The following FTCDNL1 variants were observed in gnomAD, a reference collection of about 807,000 sequenced individuals.
The protein encoded by FTCDNL1 is formiminotransferase N-terminal subdomain-containing protein.
Under a neutral mutation model 5.9 loss-of-function variants are expected in FTCDNL1, and 11 were observed. The ratio of observed to expected loss-of-function variants is 1.87; its 90% CI spans 1.18 to 3.10. The LOEUF (loss-of-function observed/expected upper bound fraction) is 3.10. Among genes scored for constraint, FTCDNL1 ranks in the 30% most tolerant of loss-of-function variants. FTCDNL1 has a pLI of 0.00. For missense variants in FTCDNL1, 115 were observed against 65.5 expected, an observed-to-expected ratio of 1.76 and a Z score of -2.61; for synonymous variants, 58 against 24.8, an observed-to-expected ratio of 2.34 and a Z score of -3.99.
At chr2:199,735,005 T>C in the FTCDNL1 span, among the ~76,000 whole-genome samples, 1 of 151,560 alleles carries the variant, frequency 6.6e-6, no homozygotes, top group African/African-American at 2.4e-5. Flanking sequence ...TGGTCATTTA[T>C]TCTTCCAGGT....
chr2:199,746,866 A>G, the FTCDNL1 span, among the ~76,000 whole-genome samples: 2 of 152,156 alleles, frequency 1.3e-5, no homozygotes, highest in Non-Finnish European at 2.9e-5. Flanking sequence ...GTGTTCTGCC[A>G]AACGATGATC....
At chr2:199,803,823 G>C (rs1700589482) in intron 3 of FTCDNL1, among the ~76,000 whole-genome samples, 1 of 152,184 alleles carries the variant, frequency 6.6e-6, no homozygotes, top group African/African-American at 2.4e-5. Flanking sequence ...GGATATGGTA[G>C]GAGGAGGTTC....
At chr2:199,753,477 T>A in the FTCDNL1 span, among the ~76,000 whole-genome samples, 1 of 152,234 alleles carries the variant, frequency 6.6e-6, no homozygotes, top group Non-Finnish European at 1.5e-5. Context: ...CGAAGAACTT[T>A]AAGCAGAGAA....
At position 199,838,610 on chromosome 2, in the gene FTCDNL1, T is replaced by C. The variant is rs550686060; in HGVS notation, c.211+7465A>G. Among the ~76,000 whole-genome samples, 17 of 152,168 alleles carry C rather than the reference T, an allele frequency of 1.1e-4. No individual in the cohort carries two copies. The South Asian group carries it at 3.1e-3, about 28-fold the overall frequency. Reference sequence around the variant, plus strand: ...CCTGATGCATCCCACAGACGCCTGATAGAGGGCAGAACCAGCAGCCCCACT... The same window carrying C: ...CCTGATGCATCCCACAGACGCCTGACAGAGGGCAGAACCAGCAGCCCCACT... On this transcript the variant is annotated intron_variant, in intron 3 of 4. Coordinates refer to ENST00000420128, the MANE Select transcript of FTCDNL1 (RefSeq NM_001363886.2).
At chr2:199,686,289 T>C in the FTCDNL1 span, among the ~76,000 whole-genome samples, 9 of 152,212 alleles carry the variant, frequency 5.9e-5, no homozygotes, top group Non-Finnish European at 1.2e-4. Flanking sequence ...TGGAGTGCAG[T>C]TGGGCTTTGG....
chr2:199,706,692 G>A, the FTCDNL1 span, among the ~76,000 whole-genome samples: 3 of 152,228 alleles, frequency 2.0e-5, no homozygotes, highest in East Asian at 5.8e-4. Context: ...ATCACTTTGG[G>A]CCATGTCTCC....
intron 3 of FTCDNL1, among the ~76,000 whole-genome samples, chr2:199,776,382 G>A (rs951499568): frequency 6.6e-6 from 1 of 152,202 alleles, no homozygotes; most frequent in Non-Finnish European, 1.5e-5. Context: ...ATCCATCTCA[G>A]TTTTAATCAC....
At chr2:199,824,652 G>A (rs1701908146) in intron 3 of FTCDNL1, among the ~76,000 whole-genome samples, 1 of 152,102 alleles carries the variant, frequency 6.6e-6, no homozygotes, top group Non-Finnish European at 1.5e-5. Flanking sequence ...GGCCATTGTT[G>A]GGTTATTAAT....
the FTCDNL1 span, among the ~76,000 whole-genome samples, chr2:199,752,467 T>C: frequency 2.0e-5 from 3 of 152,242 alleles, no homozygotes; most frequent in East Asian, 3.9e-4. Context: ...TCAGTGGACT[T>C]TGAGTAAAGC....
chr2:199,752,952 C>T, the FTCDNL1 span, among the ~76,000 whole-genome samples: 1 of 151,974 alleles, frequency 6.6e-6, no homozygotes, highest in South Asian at 2.1e-4. Context: ...TCTGACACAG[C>T]AGTGTATCTA....
At chr2:199,772,382 A>C (rs1698856476) in intron 3 of FTCDNL1, among the ~76,000 whole-genome samples, 1 of 152,196 alleles carries the variant, frequency 6.6e-6, no homozygotes, top group African/African-American at 2.4e-5. Context: ...CTGTAATTGA[A>C]ATCATCTTGT....
intron 1 of FTCDNL1, among the ~76,000 whole-genome samples, chr2:199,849,726 T>A (rs2076825686): frequency 6.6e-6 from 1 of 152,216 alleles, no homozygotes; most frequent in South Asian, 2.1e-4. Flanking sequence ...CATCTTTCCA[T>A]ACTTCAAATG....
chr2:199,746,651 T>A, the FTCDNL1 span, among the ~76,000 whole-genome samples: 1 of 151,880 alleles, frequency 6.6e-6, no homozygotes, highest in African/African-American at 2.4e-5. Context: ...ATCTTTCTGC[T>A]CAGGGCTCAG....
rs1442967348 is a variant in FTCDNL1, at chr2:199,851,164, G to A, written c.-432C>T. ...CGCGCAGCCTCCGCCGCCGCGCGTG[G>A]CCCGCGCGCAGCGTCTGCCGCCGGC... On this transcript the variant is annotated 5_prime_UTR_variant, in exon 1 of 5. Transcript: ENST00000420128. The A allele has an allele frequency of 6.9e-6, 1 of 144,044 alleles. No individual in the cohort carries two copies. Among genetic ancestry groups the A allele is most frequent in the Non-Finnish European group, 1.5e-5 (1 of 66,230 alleles). 8.9% of individuals were successfully genotyped at this position (144,044 alleles called of 1,614,324 possible). A position where few individuals can be genotyped will look rare whatever the true frequency, so the allele number is the denominator to read the frequency against.
chr2:199,698,870 C>T, the FTCDNL1 span, among the ~76,000 whole-genome samples: 30 of 152,076 alleles, frequency 2.0e-4, no homozygotes, highest in African/African-American at 7.0e-4. Context: ...TGATAGACTG[C>T]TAGCTAGACA....
intron 2 of FTCDNL1, among the ~76,000 whole-genome samples, chr2:199,848,558 G>A (rs1188521455): frequency 3.3e-5 from 5 of 152,194 alleles, no homozygotes; most frequent in African/African-American, 4.8e-5. Context: ...TCCTCCCCAG[G>A]AGCCTGTCAA....
chr2:199,850,136 T>C (rs565772765), intron 1 of FTCDNL1, among the ~76,000 whole-genome samples: 1 of 152,320 alleles, frequency 6.6e-6, no homozygotes, highest in South Asian at 2.1e-4. Flanking sequence ...CTAGCTCAGG[T>C]TTGCAGGCAG....
At chr2:199,759,042 A>G (rs2106237974), downstream of FTCDNL1, among the ~76,000 whole-genome samples, 1 of 152,322 alleles carries the variant, frequency 6.6e-6, no homozygotes, top group East Asian at 1.9e-4. Context: ...AAGAAACTAC[A>G]AAACAAAGCC....
chr2:199,737,754 A>G, the FTCDNL1 span, among the ~76,000 whole-genome samples: 1 of 152,310 alleles, frequency 6.6e-6, no homozygotes, highest in South Asian at 2.1e-4. Flanking sequence ...ATCATTTTGA[A>G]AGGCTGAATA....
Sources: allele counts gnomAD v4.1 joint callset (sites outside exome capture counted in the v4.1 genomes callset), GRCh38; gene constraint gnomAD v4.1.1; transcripts MANE v1.5; gene names NCBI Gene and HGNC (gene_info 2026-07-23, HGNC 2026-07-21).